GABRG1: variants seen among roughly 807,000 people sequenced by gnomAD.
GABRG1 encodes the protein gamma-aminobutyric acid type A receptor subunit gamma1, also known as gamma-aminobutyric acid receptor subunit gamma-1.
A neutral mutation model predicts 49.8 loss-of-function variants in GABRG1; 49 were observed. The observed-to-expected ratio is 0.98, with a 90% CI of 0.78 to 1.25. The LOEUF (loss-of-function observed/expected upper bound fraction) is 1.25, where lower values mean the gene tolerates loss of function less well. GABRG1 is among the 50% of genes most tolerant of loss of function. The pLI is 0.00. For missense variants in GABRG1, 552 were observed against 552.3 expected (o/e 1.00, Z 0.01); for synonymous variants, 232 against 185.1 (o/e 1.25, Z -2.06).
intron 3 of GABRG1, among the ~76,000 whole-genome samples, chr4:46,072,972 T>C (rs1357513399): frequency 6.6e-6 from 1 of 151,970 alleles, no homozygotes; most frequent in African/African-American, 2.4e-5. Context: ...ATATAATTTT[T>C]ATTTAAAATC....
At chr4:46,053,657 C>A (rs558948238) in intron 7 of GABRG1, among the ~76,000 whole-genome samples, 1 of 151,968 alleles carries the variant, frequency 6.6e-6, no homozygotes, top group Admixed American at 6.6e-5. Context: ...ATTATGTCTC[C>A]TATCTGAAAA....
chr4:46,097,812 G>C (rs1262992425), intron 1 of GABRG1, among the ~76,000 whole-genome samples: 3 of 151,602 alleles, frequency 2.0e-5, no homozygotes, highest in African/African-American at 7.3e-5. Flanking sequence ...GAAGAATTAA[G>C]AAAAATTGAG....
chr4:46,065,695 A>G (rs569450861), intron 3 of GABRG1, 111 bp from the exon 4 acceptor site: 1 of 612,052 alleles, frequency 1.6e-6, no homozygotes, highest in Non-Finnish European at 2.8e-6. Context: ...AGTTAAACTC[A>G]GTCTTTTCGG....
intron 1 of GABRG1, among the ~76,000 whole-genome samples, chr4:46,115,218 C>T (rs1028912847): frequency 1.3e-5 from 2 of 150,544 alleles, no homozygotes; most frequent in African/African-American, 4.8e-5. Flanking sequence ...GTAAGTAAAA[C>T]CTCATTGTAG....
intron 1 of GABRG1, among the ~76,000 whole-genome samples, chr4:46,117,766 A>G (rs1720958168): frequency 7.1e-6 from 1 of 141,674 alleles, no homozygotes; most frequent in Non-Finnish European, 1.5e-5. Context: ...GTATATACAT[A>G]TACATATATA....
At chr4:46,080,800 A>C (rs568826018) in intron 3 of GABRG1, among the ~76,000 whole-genome samples, 2 of 151,978 alleles carry the variant, frequency 1.3e-5, no homozygotes, top group Admixed American at 6.6e-5. Flanking sequence ...AAATGCCAAC[A>C]TTCCCATATG....
chr4:46,052,189 T>C (rs1718250676), intron 7 of GABRG1, among the ~76,000 whole-genome samples: 1 of 151,444 alleles, frequency 6.6e-6, no homozygotes, highest in African/African-American at 2.4e-5. Context: ...AGAAGGAGAC[T>C]GAGTCTCTCA....
chr4:46,079,254 G>A (rs528228915), intron 3 of GABRG1, among the ~76,000 whole-genome samples: 14 of 151,866 alleles, frequency 9.2e-5, no homozygotes, highest in Middle Eastern at 6.8e-3. Context: ...TCTCCAGCAT[G>A]CACTTATTTT....
At chr4:46,056,152 A>T (rs1294608890) in intron 7 of GABRG1, among the ~76,000 whole-genome samples, 1 of 4,226 alleles carries the variant, frequency 2.4e-4, no homozygotes, top group East Asian at 3.4e-3. Context: ...TAAATAAATT[A>T]AAAAAAAAAA....
At chr4:46,116,331 G>A (rs1361349889) in intron 1 of GABRG1, among the ~76,000 whole-genome samples, 1 of 150,848 alleles carries the variant, frequency 6.6e-6, no homozygotes, top group Admixed American at 6.6e-5. Flanking sequence ...TTATCATTGA[G>A]TTCTCCATTT....
In GABRG1 at chr4:46,037,251, G is replaced by A. The variant is rs970232519; in HGVS notation, c.*3737C>T. On this transcript the variant is annotated 3_prime_UTR_variant, in exon 9 of 9. Coordinates refer to ENST00000295452, the MANE Select transcript of GABRG1 (RefSeq NM_173536.4). ...ATTTGAATGAGGTTACCTCACTTCCGAAATGCAAACACAAAAAGTCAGAGC... is the reference window on the plus strand; with the variant it reads ...ATTTGAATGAGGTTACCTCACTTCCAAAATGCAAACACAAAAAGTCAGAGC... The A allele has an allele frequency of 3.3e-5, 5 of 151,788 alleles. No individual in the cohort carries two copies. Among genetic ancestry groups the A allele is most frequent in the Non-Finnish European group, 5.9e-5 (4 of 67,838 alleles). The allele number at this position is 151,788 out of a possible 1,614,324, so 9.4% of individuals were successfully genotyped here.
At chr4:46,056,225 G>A (rs1718441059) in intron 7 of GABRG1, among the ~76,000 whole-genome samples, 1 of 142,818 alleles carries the variant, frequency 7.0e-6, no homozygotes. Flanking sequence ...TCCTTAAAAT[G>A]GCCCACAAAA....
intron 2 of GABRG1, among the ~76,000 whole-genome samples, chr4:46,096,445 A>AT (rs1403435345): frequency 6.6e-6 from 1 of 151,234 alleles, no homozygotes; most frequent in Non-Finnish European, 1.5e-5. Flanking sequence ...AATGCAAGAA[A>AT]TTCACTGCCC....
chr4:46,042,389 T>C (rs901334814), intron 8 of GABRG1, among the ~76,000 whole-genome samples: 7 of 152,012 alleles, frequency 4.6e-5, no homozygotes, highest in Non-Finnish European at 8.8e-5. Flanking sequence ...ATTTCAACTT[T>C]AGCAATTCTT....
At chr4:46,050,662 G>A (rs1217188241) in intron 8 of GABRG1, among the ~76,000 whole-genome samples, 3 of 151,734 alleles carry the variant, frequency 2.0e-5, no homozygotes, top group Non-Finnish European at 2.9e-5. Flanking sequence ...AGGGTCACAC[G>A]CTTGAGCTCT....
intron 8 of GABRG1, among the ~76,000 whole-genome samples, chr4:46,046,594 G>A (rs1313844703): frequency 6.6e-6 from 1 of 152,032 alleles, no homozygotes; most frequent in Non-Finnish European, 1.5e-5. Flanking sequence ...GTAGACAAAT[G>A]TTTATTCAAT....
At chr4:46,073,725 T>A (rs1719224181) in intron 3 of GABRG1, among the ~76,000 whole-genome samples, 1 of 152,102 alleles carries the variant, frequency 6.6e-6, no homozygotes, top group African/African-American at 2.4e-5. Context: ...TACCATGTTT[T>A]TTCCTATACA....
At chr4:46,059,057 T>G (rs894059703) in intron 5 of GABRG1, among the ~76,000 whole-genome samples, 3 of 152,166 alleles carry the variant, frequency 2.0e-5, no homozygotes, top group African/African-American at 7.2e-5. Flanking sequence ...CATATTATTT[T>G]TTTCTTCTTT....
chr4:46,111,672 C>A lies in GABRG1; in HGVS notation c.104+12138G>T, dbSNP rs1218470571. Among the ~76,000 whole-genome samples, 9 of 150,922 alleles carry A rather than the reference C, an allele frequency of 6.0e-5. No homozygotes were observed. In the Admixed American group the frequency reaches 6.0e-4, roughly 10 times the overall value. ...ATAGGCAAATGGAACAGAAGAGAGC[C>A]CAGAAATAAAACTGCACACCTACAG... On this transcript the variant is annotated intron_variant, in intron 1 of 8. Transcript: ENST00000295452.
Sources: gnomAD v4.1 joint callset for allele counts (sites outside exome capture counted in the v4.1 genomes callset) on GRCh38, gnomAD v4.1.1 for gene constraint, MANE v1.5 for transcripts, NCBI Gene and HGNC (gene_info 2026-07-23, HGNC 2026-07-21) for gene names.